Variants in PDS5B observed in about 807,000 individuals in gnomAD.
PDS5B encodes PDS5 cohesin associated factor B.
A neutral mutation model predicts 184.1 loss-of-function variants in PDS5B; 51 were observed. The observed-to-expected ratio is 0.28, with a 90% CI of 0.22 to 0.35. PDS5B has a LOEUF of 0.35. Among genes scored for constraint, PDS5B ranks in the 10% least tolerant of loss-of-function variants. The pLI is 1.00. For missense variants in PDS5B, 1,180 were observed against 1,723.3 expected (o/e 0.68, Z 5.58); for synonymous variants, 566 against 569.2 (o/e 0.99, Z 0.08).
At chr13:32,734,013 CAA>C (rs1491344639) in intron 20 of PDS5B, among the ~76,000 whole-genome samples, 5 of 151,224 alleles carry the variant, frequency 3.3e-5, no homozygotes, top group African/African-American at 1.2e-4. Context: ...CACACACACA[CAA>C]ACATATATTT....
intron 31 of PDS5B, among the ~76,000 whole-genome samples, chr13:32,765,166 G>C (rs1480259078): frequency 6.6e-6 from 1 of 152,156 alleles, no homozygotes; most frequent in African/African-American, 2.4e-5. Flanking sequence ...ACAAAATACA[G>C]TTATGTCTTC....
chr13:32,678,250 A>C (rs559153883), intron 9 of PDS5B, among the ~76,000 whole-genome samples: 1 of 152,334 alleles, frequency 6.6e-6, no homozygotes, highest in Admixed American at 6.5e-5. Context: ...AAGAATTTTA[A>C]CTTTTTAGGG....
chr13:32,766,777 T>G (rs1222796383), intron 31 of PDS5B, among the ~76,000 whole-genome samples: 1 of 152,196 alleles, frequency 6.6e-6, no homozygotes, highest in African/African-American at 2.4e-5. Context: ...GAAAAAGAAA[T>G]AAGTAGTGGT....
chr13:32,655,372 A>T lies in PDS5B; in HGVS notation c.313-2867A>T, dbSNP rs1388083340. On this transcript the variant is annotated intron_variant, in intron 3 of 34. Transcript: ENST00000315596. ...CATGTTCTTTGCCATATATATATAT[A>T]TATTTTTTTTTTTTTTTTTTTTTTT... Among the ~76,000 whole-genome samples, 226 of 52,250 alleles carry T rather than the reference A, an allele frequency of 4.3e-3. 5 individuals carry two copies. Among genetic ancestry groups the T allele is most frequent in the African/African-American group, 0.02 (209 of 10,370 alleles). 34.3% of individuals were successfully genotyped at this position (52,250 alleles called of 152,430 possible).
At chr13:32,586,917 G>T (rs1236718938) in intron 1 of PDS5B, among the ~76,000 whole-genome samples, 3 of 143,208 alleles carry the variant, frequency 2.1e-5, no homozygotes. Flanking sequence ...ATCCCGGCCG[G>T]GGCGGCGGCG....
chr13:32,640,217 T>A (rs1388796328), intron 1 of PDS5B, among the ~76,000 whole-genome samples: 1 of 151,690 alleles, frequency 6.6e-6, no homozygotes, highest in Non-Finnish European at 1.5e-5. Flanking sequence ...ATTTGAACTT[T>A]AAAAAAAAAC....
chr13:32,630,046 T>C (rs565731316), intron 1 of PDS5B, among the ~76,000 whole-genome samples: 1 of 152,300 alleles, frequency 6.6e-6, no homozygotes, highest in East Asian at 1.9e-4. Flanking sequence ...CAAGTATAGC[T>C]CAAATTTGGA....
At chr13:32,599,690 G>A (rs2057942753) in intron 1 of PDS5B, among the ~76,000 whole-genome samples, 1 of 151,954 alleles carries the variant, frequency 6.6e-6, no homozygotes, top group African/African-American at 2.4e-5. Flanking sequence ...CAAGGCGGAT[G>A]GATCATGAGG....
Position 32,694,226 on chromosome 13 carries a change from A to G in PDS5B, c.1473A>G (p.Ala491=), listed in dbSNP as rs2140848362. The G allele has an allele frequency of 1.3e-6, 2 of 1,598,914 alleles. No individual in the cohort carries two copies. The highest frequency in any genetic ancestry group is 1.1e-5 in the South Asian group (1 of 89,262). ...TGTGTATGTTTGTGTTTTTCAGAGCATTGAATGAAATGTGGAAATGTCAAA... is the reference window on the plus strand; with the variant it reads ...TGTGTATGTTTGTGTTTTTCAGAGCGTTGAATGAAATGTGGAAATGTCAAA... ...YATLDLNAVK[A]LNEMWKCQNL... The change falls in exon 14 of 35, where the codon GCA becomes GCG. Residue 491 remains alanine (A), a synonymous_variant. Transcript: ENST00000315596.
intron 19 of PDS5B, among the ~76,000 whole-genome samples, chr13:32,720,629 TTTA>T (rs946740969): frequency 1.1e-4 from 17 of 150,850 alleles, no homozygotes; most frequent in African/African-American, 3.9e-4. Flanking sequence ...ATTTATTTAT[TTTA>T]TTATTTTTTT....
At position 32,620,606 on chromosome 13, in the gene PDS5B, G is replaced by A. The variant is rs144299550; in HGVS notation, c.-19-28148G>A. Among the ~76,000 whole-genome samples, 123 of 150,050 alleles carry A rather than the reference G, an allele frequency of 8.2e-4. No individual in the cohort carries two copies. In the East Asian group the frequency reaches 0.017, roughly 21 times the overall value. ...CAGGAGGCAGAGCTTACAGTGAGCCGAGATTGTGCCACTGCACTCCAGCCT... is the reference window on the plus strand; with the variant it reads ...CAGGAGGCAGAGCTTACAGTGAGCCAAGATTGTGCCACTGCACTCCAGCCT... On this transcript the variant is annotated intron_variant, in intron 1 of 34. Transcript: ENST00000315596.
In PDS5B at chr13:32,770,359, G is replaced by C. The variant is rs1378602430; in HGVS notation, c.3863G>C (p.Gly1288Ala). 2 of 1,613,086 alleles carry C rather than the reference G, an allele frequency of 1.2e-6. No individual in the cohort carries two copies. Among genetic ancestry groups the C allele is most frequent in the African/African-American group, 2.7e-5 (2 of 74,654 alleles). The change falls in exon 32 of 35, where the codon GGT becomes GCT. Residue 1288 changes from glycine (G) to alanine (A), a missense_variant. Transcript: ENST00000315596. The part of the protein sequence containing the change: ...EDEQNSPPKK[G>A]KRGRPPKPLG... ...GAACAGAATAGTCCGCCAAAAAAGG[G>C]TAAAAGAGGCCGACCACCAAAACCT...
intron 22 of PDS5B, among the ~76,000 whole-genome samples, chr13:32,742,325 A>G (rs552784402): frequency 6.6e-6 from 1 of 152,306 alleles, no homozygotes; most frequent in South Asian, 2.1e-4. Context: ...ATTTTACTGT[A>G]TGTTCTACAG....
In PDS5B at chr13:32,701,504, A is replaced by G. The variant is rs1386170771; in HGVS notation, c.1856+66A>G. 1.5e-5 allele frequency: 14 copies of G among 948,184 alleles called. No homozygotes were observed. The Admixed American group carries it at 2.6e-4, about 17-fold the overall frequency. 58.7% of individuals were successfully genotyped at this position (948,184 alleles called of 1,614,324 possible). A position where few individuals can be genotyped will look rare whatever the true frequency, so the allele number is the denominator to read the frequency against. ...TAATGTGTACATTCAGGAATCAGTCATTGTTGAGTGCCTGCTATATCTAGC... is the reference window on the plus strand; with the variant it reads ...TAATGTGTACATTCAGGAATCAGTCGTTGTTGAGTGCCTGCTATATCTAGC... On this transcript the variant is annotated intron_variant, in intron 17 of 34. Coordinates refer to ENST00000315596, the MANE Select transcript of PDS5B (RefSeq NM_015032.4).
chr13:32,749,723 A>G (rs1165485125), intron 24 of PDS5B, among the ~76,000 whole-genome samples: 1 of 152,176 alleles, frequency 6.6e-6, no homozygotes, highest in East Asian at 1.9e-4. Context: ...GGTAGTTTTG[A>G]GATACTTTGT....
At chr13:32,748,635 T>C (rs1034260423) in intron 24 of PDS5B, among the ~76,000 whole-genome samples, 1 of 152,144 alleles carries the variant, frequency 6.6e-6, no homozygotes, top group African/African-American at 2.4e-5. Flanking sequence ...ACAGAAATTT[T>C]ATACTTTTAT....
chr13:32,587,394 A>G (rs1235828450), intron 1 of PDS5B, among the ~76,000 whole-genome samples: 1 of 152,164 alleles, frequency 6.6e-6, no homozygotes, highest in Admixed American at 6.5e-5. Context: ...TTCAGAAGGA[A>G]CGGCGGGGAA....
Position 32,651,753 on chromosome 13 carries a change from CTG to C in PDS5B, c.109-49_109-48del, listed in dbSNP as rs1566285662. ...TTAACATGACCTTTATTTCACATGA[CTG>C]TAGTTTTACATGGAGCATTTCATTA... is the stretch of plus-strand genomic sequence containing the variant. On this transcript the variant is annotated intron_variant, in intron 2 of 34. Transcript: ENST00000315596. 4 of 1,089,504 alleles carry C rather than the reference CTG, an allele frequency of 3.7e-6. No individual in the cohort carries two copies. The South Asian group carries it at 5.3e-5, about 15-fold the overall frequency. The allele number at this position is 1,089,504 out of a possible 1,614,324, so 67.5% of individuals were successfully genotyped here. A position where few individuals can be genotyped will look rare whatever the true frequency, so the allele number is the denominator to read the frequency against.
At position 32,775,821 on chromosome 13, in the gene PDS5B, T is replaced by C. The variant is rs533681700; in HGVS notation, c.*769T>C. ...TAATTTTAAAGAGTGTGTTATAAAA[T>C]AATGTACTGAATTCTTTATCCCATT... On this transcript the variant is annotated 3_prime_UTR_variant, in exon 35 of 35. Coordinates refer to ENST00000315596, the MANE Select transcript of PDS5B (RefSeq NM_015032.4). 3.0e-6 allele frequency: 1 copy of C among 330,690 alleles called. No homozygotes were observed. Among genetic ancestry groups the C allele is most frequent in the Admixed American group, 4.1e-5 (1 of 24,496 alleles). The allele number at this position is 330,690 out of a possible 1,614,324, so 20.5% of individuals were successfully genotyped here.
Sources: allele counts gnomAD v4.1 joint callset (sites outside exome capture counted in the v4.1 genomes callset), GRCh38; gene constraint gnomAD v4.1.1; transcripts MANE v1.5; gene names NCBI Gene and HGNC (gene_info 2026-07-23, HGNC 2026-07-21).